The following NBAS variants were observed in gnomAD, a reference collection of about 807,000 sequenced individuals.
NBAS encodes the protein NBAS subunit of NRZ tethering complex.
In NBAS, 219 loss-of-function variants were observed where a neutral mutation model predicts 302.5. The observed-to-expected ratio is 0.72, with a 90% CI of 0.65 to 0.81. The LOEUF is 0.81. Ranked by LOEUF, NBAS falls within the 30% of genes least tolerant of loss-of-function variation. The probability of loss-of-function intolerance (pLI) is 0.00; values close to 1 mark genes in which losing one functional copy is unlikely to be tolerated. For missense variants in NBAS, 2,932 were observed against 2,841.6 expected, an observed-to-expected ratio of 1.03 and a Z score of -0.72; for synonymous variants, 1,118 against 1,021.6, an observed-to-expected ratio of 1.09 and a Z score of -1.80.
At chr2:14,810,401 GT>G in the NBAS span, among the ~76,000 whole-genome samples, 4 of 152,266 alleles carry the variant, frequency 2.6e-5, no homozygotes, top group East Asian at 1.9e-4. Flanking sequence ...AGATCTGATG[GT>G]TTTACAAAAG....
chr2:15,052,180 G>A, the NBAS span, among the ~76,000 whole-genome samples: 1 of 152,106 alleles, frequency 6.6e-6, no homozygotes, highest in Admixed American at 6.5e-5. Context: ...ACAATAAAAG[G>A]AAAACTGCTT....
At chr2:15,203,172 A>G (rs1665960435) in intron 48 of NBAS, among the ~76,000 whole-genome samples, 1 of 152,202 alleles carries the variant, frequency 6.6e-6, no homozygotes, top group South Asian at 2.1e-4. Context: ...TGTGTCTAAC[A>G]CTGAGTTAAC....
chr2:15,111,961 T>C, the NBAS span, among the ~76,000 whole-genome samples: 1 of 148,150 alleles, frequency 6.7e-6, no homozygotes, highest in Non-Finnish European at 1.5e-5. Context: ...AATATATTAA[T>C]AGGTTCAATA....
Position 15,432,201 on chromosome 2 carries a change from T to C in NBAS, c.2340-4407A>G, listed in dbSNP as rs116485050. 8.1e-3 allele frequency among the ~76,000 whole-genome samples: 1,233 copies of C among 151,964 alleles called. 14 individuals are homozygous for C. The highest frequency in any genetic ancestry group is 0.028 in the African/African-American group (1,158 of 41,438). On this transcript the variant is annotated intron_variant, in intron 21 of 51. Coordinates refer to ENST00000281513, the MANE Select transcript of NBAS (RefSeq NM_015909.4). ...CTATAAACATGAAACTGCATTTACA[T>C]ATACTTTATTTCATCTTATTTGTCT...
At chr2:15,526,938 C>T (rs1007595612) in intron 9 of NBAS, among the ~76,000 whole-genome samples, 5 of 152,062 alleles carry the variant, frequency 3.3e-5, no homozygotes, top group Non-Finnish European at 7.4e-5. Flanking sequence ...TTCAATCCTA[C>T]GGTCCCACTT....
At chr2:15,023,097 T>C in the NBAS span, among the ~76,000 whole-genome samples, 7 of 152,176 alleles carry the variant, frequency 4.6e-5, no homozygotes, top group African/African-American at 1.7e-4. Context: ...GAGATATATA[T>C]GTGCATATAC....
chr2:15,499,923 G>C (rs1310366101), intron 11 of NBAS, among the ~76,000 whole-genome samples: 1 of 150,712 alleles, frequency 6.6e-6, no homozygotes, highest in Non-Finnish European at 1.5e-5. Flanking sequence ...TGATAGCAAA[G>C]AGTATCACTA....
At chr2:15,249,969 T>C (rs942623272) in intron 44 of NBAS, among the ~76,000 whole-genome samples, 3 of 152,106 alleles carry the variant, frequency 2.0e-5, no homozygotes, top group African/African-American at 7.2e-5. Flanking sequence ...CTACTTTAAA[T>C]TTCATATGGA....
intron 16 of NBAS, among the ~76,000 whole-genome samples, chr2:15,472,816 G>T (rs775326038): frequency 6.6e-6 from 1 of 152,142 alleles, no homozygotes; most frequent in Non-Finnish European, 1.5e-5. Context: ...AGTCCTTAGC[G>T]TTCTCTTCAC....
At chr2:15,402,348 T>G (rs559769484) in intron 25 of NBAS, 47 bp from the exon 26 acceptor site, 1 of 1,594,286 alleles carries the variant, frequency 6.3e-7, no homozygotes, top group South Asian at 1.1e-5. Flanking sequence ...AGATTTATAG[T>G]CAATTTTTCC....
intron 41 of NBAS, among the ~76,000 whole-genome samples, chr2:15,290,630 C>T (rs1176466864): frequency 6.6e-6 from 1 of 152,194 alleles, no homozygotes; most frequent in Non-Finnish European, 1.5e-5. Context: ...AACCCAAGCT[C>T]AACTCCTGGC....
chr2:15,009,353 A>G, the NBAS span, among the ~76,000 whole-genome samples: 2 of 152,144 alleles, frequency 1.3e-5, no homozygotes, highest in Non-Finnish European at 2.9e-5. Context: ...TTAATGTTGT[A>G]AATACCCATT....
chr2:15,181,195 G>C (rs1038304506), intron 50 of NBAS, among the ~76,000 whole-genome samples: 2 of 152,174 alleles, frequency 1.3e-5, no homozygotes, highest in African/African-American at 2.4e-5. Context: ...TATCAGTGAT[G>C]AGTAAACATG....
At chr2:15,277,198 C>G (rs557827439) in intron 42 of NBAS, 97 bp from the exon 43 acceptor site, 2 of 1,442,796 alleles carry the variant, frequency 1.4e-6, no homozygotes, top group Admixed American at 2.2e-5. Context: ...TCTTATAGCT[C>G]CCTTCTTCCT....
At chr2:15,539,841 G>C (rs201597755) in intron 6 of NBAS, among the ~76,000 whole-genome samples, 7 of 149,564 alleles carry the variant, frequency 4.7e-5, no homozygotes, top group African/African-American at 1.8e-4. Context: ...AGAAAGGGGG[G>C]AAATATATAT....
At chr2:14,781,075 C>A in the NBAS span, among the ~76,000 whole-genome samples, 48 of 152,316 alleles carry the variant, frequency 3.2e-4, no homozygotes, top group African/African-American at 1.2e-3. Context: ...TCCATGCATA[C>A]TGGAAAATAT....
At chr2:15,360,307 G>T (rs1186894413) in intron 32 of NBAS, among the ~76,000 whole-genome samples, 2 of 136,228 alleles carry the variant, frequency 1.5e-5, no homozygotes, top group African/African-American at 2.7e-5. Flanking sequence ...TCAGTAATAA[G>T]TTAACTATAG....
At chr2:15,459,789 A>G (rs938896759) in intron 21 of NBAS, among the ~76,000 whole-genome samples, 1 of 151,958 alleles carries the variant, frequency 6.6e-6, no homozygotes, top group Non-Finnish European at 1.5e-5. Flanking sequence ...CTTTTTCTTG[A>G]TTTTTATCAG....
intron 32 of NBAS, among the ~76,000 whole-genome samples, chr2:15,364,275 T>C (rs924590461): frequency 1.3e-5 from 2 of 152,210 alleles, no homozygotes; most frequent in Non-Finnish European, 2.9e-5. Flanking sequence ...GTCACGCCTG[T>C]AATCCCAGCA....
Sources: gnomAD v4.1 joint callset for allele counts (sites outside exome capture counted in the v4.1 genomes callset) on GRCh38, gnomAD v4.1.1 for gene constraint, MANE v1.5 for transcripts, NCBI Gene and HGNC (gene_info 2026-07-23, HGNC 2026-07-21) for gene names.